Variants in MACROD2 observed in about 807,000 individuals in gnomAD.
MACROD2 encodes the protein mono-ADP ribosylhydrolase 2, also known as ADP-ribose glycohydrolase MACROD2.
MACROD2 carries 36 observed loss-of-function variants against 70.4 expected under a neutral mutation model. The observed-to-expected ratio is 0.51, with a 90% confidence interval of 0.39 to 0.68. MACROD2 has a LOEUF of 0.68. Ranked by LOEUF, MACROD2 falls within the 30% of genes least tolerant of loss-of-function variation. MACROD2 has a pLI of 0.00. For synonymous variants in MACROD2, 172 were observed against 178.8 expected (o/e 0.96, Z 0.30); for missense variants, 496 against 538.4 (o/e 0.92, Z 0.78).
At chr20:14,108,202 TATAAG>T (rs2054397923) in intron 3 of MACROD2, among the ~76,000 whole-genome samples, 1 of 152,004 alleles carries the variant, frequency 6.6e-6, no homozygotes, top group African/African-American at 2.4e-5. Flanking sequence ...AATATTGGGT[TATAAG>T]ATAATGTTTG....
chr20:14,224,011 T>C (rs1032537739), intron 3 of MACROD2, among the ~76,000 whole-genome samples: 8 of 152,218 alleles, frequency 5.3e-5, no homozygotes, highest in Non-Finnish European at 1.2e-4. Context: ...TCCCTCTGCC[T>C]CAGGGGCGGT....
At chr20:15,713,987 G>GCA (rs3071356) in intron 8 of MACROD2, among the ~76,000 whole-genome samples, 8,529 of 117,534 alleles carry the variant, frequency 0.073, 309 homozygotes, top group East Asian at 0.14. Flanking sequence ...ACACACATAT[G>GCA]CACACACACA....
chr20:15,044,241 G>C (rs2075376295), intron 5 of MACROD2, among the ~76,000 whole-genome samples: 1 of 152,104 alleles, frequency 6.6e-6, no homozygotes, highest in African/African-American at 2.4e-5. Context: ...CTCAGGTGTG[G>C]TTAAAGAGCC....
intron 3 of MACROD2, among the ~76,000 whole-genome samples, chr20:14,365,075 A>C (rs2083259592): frequency 6.6e-6 from 1 of 152,088 alleles, no homozygotes; most frequent in South Asian, 2.1e-4. Flanking sequence ...AATTCTTTTA[A>C]ATGTTTTCAA....
chr20:14,440,611 A>T (rs80168499), intron 3 of MACROD2, among the ~76,000 whole-genome samples: 1,748 of 152,342 alleles, frequency 0.011, 15 homozygotes, highest in Middle Eastern at 0.068. Context: ...GAGAACAGAG[A>T]GAAAATGAGA....
chr20:15,447,997 C>G (rs905233732), intron 7 of MACROD2, among the ~76,000 whole-genome samples: 1 of 152,106 alleles, frequency 6.6e-6, no homozygotes, highest in Non-Finnish European at 1.5e-5. Flanking sequence ...CTACACTCTT[C>G]TAATCCCCAT....
intron 5 of MACROD2, among the ~76,000 whole-genome samples, chr20:14,843,341 TTA>T (rs370555111): frequency 1.3e-5 from 2 of 151,520 alleles, no homozygotes; most frequent in African/African-American, 2.4e-5. Context: ...ATATATTTTA[TTA>T]TATATATATA....
chr20:14,897,143 A>G (rs2073839981), intron 5 of MACROD2, among the ~76,000 whole-genome samples: 1 of 152,118 alleles, frequency 6.6e-6, no homozygotes, highest in African/African-American at 2.4e-5. Flanking sequence ...ACGAAAAATG[A>G]TTATAAGATT....
At chr20:14,836,492 G>A (rs889257106) in intron 5 of MACROD2, among the ~76,000 whole-genome samples, 3 of 152,028 alleles carry the variant, frequency 2.0e-5, no homozygotes, top group Non-Finnish European at 2.9e-5. Flanking sequence ...GCCCCAAAGA[G>A]AATCAAGGTT....
intron 15 of MACROD2, among the ~76,000 whole-genome samples, chr20:16,009,686 G>C (rs992375875): frequency 6.6e-6 from 1 of 152,124 alleles, no homozygotes; most frequent in African/African-American, 2.4e-5. Context: ...GAACCTGGGA[G>C]GTGGAGGTTG....
chr20:15,530,859 A>T (rs895522305), intron 8 of MACROD2, among the ~76,000 whole-genome samples: 1 of 152,156 alleles, frequency 6.6e-6, no homozygotes, highest in African/African-American at 2.4e-5. Flanking sequence ...TGGCTATCAG[A>T]TGTATATTTA....
intron 4 of MACROD2, among the ~76,000 whole-genome samples, chr20:14,578,315 G>A (rs1980756526): frequency 6.6e-6 from 1 of 151,842 alleles, no homozygotes; most frequent in African/African-American, 2.4e-5. Flanking sequence ...ACAGTAGTCA[G>A]GTACAAGGAA....
At chr20:15,053,224 C>T (rs1035479370) in intron 5 of MACROD2, among the ~76,000 whole-genome samples, 17 of 152,144 alleles carry the variant, frequency 1.1e-4, no homozygotes, top group African/African-American at 7.2e-5. Context: ...TACTGATGAG[C>T]GTGGCTATAC....
At chr20:14,229,013 A>G (rs138056491) in intron 3 of MACROD2, among the ~76,000 whole-genome samples, 1 of 151,902 alleles carries the variant, frequency 6.6e-6, no homozygotes, top group African/African-American at 2.4e-5. Context: ...AAAGAAAAGA[A>G]AAAAGACATT....
intron 6 of MACROD2, among the ~76,000 whole-genome samples, chr20:15,361,367 G>C (rs1165438515): frequency 6.6e-6 from 1 of 152,056 alleles, no homozygotes; most frequent in Non-Finnish European, 1.5e-5. Flanking sequence ...TCAAGAAATC[G>C]GTTGGCCATA....
At chr20:14,250,363 T>C (rs1490550606) in intron 3 of MACROD2, among the ~76,000 whole-genome samples, 1 of 152,160 alleles carries the variant, frequency 6.6e-6, no homozygotes, top group Non-Finnish European at 1.5e-5. Flanking sequence ...TTTAGTTCTT[T>C]GAAAAATAGA....
chr20:15,532,505 A>G lies in MACROD2; in HGVS notation c.645+32658A>G, dbSNP rs527548444. Among the ~76,000 whole-genome samples, 41 of 152,200 alleles carry G rather than the reference A, an allele frequency of 2.7e-4. 1 individual carries two copies. Among genetic ancestry groups the G allele is most frequent in the South Asian group, 1.2e-3 (6 of 4,828 alleles). The stretch of plus-strand genomic sequence containing the variant: ...ACCAATCAACAAACTTGGCACCGTC[A>G]CTGAGGAAGAGAGAAAAGTGAGGTA... On this transcript the variant is annotated intron_variant, in intron 8 of 17. Coordinates refer to ENST00000684519, the MANE Select transcript of MACROD2 (RefSeq NM_001351661.2).
intron 4 of MACROD2, among the ~76,000 whole-genome samples, chr20:14,672,596 T>G (rs1173090429): frequency 6.6e-6 from 1 of 152,190 alleles, no homozygotes; most frequent in Non-Finnish European, 1.5e-5. Flanking sequence ...TTCGAGCACT[T>G]ATTCAGGCAC....
chr20:15,542,889 A>C (rs1248262628), intron 8 of MACROD2, among the ~76,000 whole-genome samples: 1 of 152,158 alleles, frequency 6.6e-6, no homozygotes, highest in Non-Finnish European at 1.5e-5. Flanking sequence ...TCCACGTCCT[A>C]CGCAGCACAA....
Sources: gnomAD v4.1 joint callset for allele counts (sites outside exome capture counted in the v4.1 genomes callset) on GRCh38, gnomAD v4.1.1 for gene constraint, MANE v1.5 for transcripts, NCBI Gene and HGNC (gene_info 2026-07-23, HGNC 2026-07-21) for gene names.